TBC1D32: variants seen among roughly 807,000 people sequenced by gnomAD.
The protein encoded by TBC1D32 is protein broad-minded.
Under a neutral mutation model 170.3 loss-of-function variants are expected in TBC1D32, and 151 were observed. That is an observed-to-expected ratio of 0.89 (90% CI 0.78 to 1.01). The LOEUF is 1.01. Ranked by LOEUF, TBC1D32 falls within the 50% of genes least tolerant of loss-of-function variation. TBC1D32 has a pLI of 0.00. For synonymous variants in TBC1D32, 498 were observed against 488.0 expected, an observed-to-expected ratio of 1.02 and a Z score of -0.27; for missense variants, 1,464 against 1,457.1, an observed-to-expected ratio of 1.00 and a Z score of -0.08.
chr6:121,158,765 T>G (rs1785219737), intron 24 of TBC1D32, among the ~76,000 whole-genome samples: 1 of 152,178 alleles, frequency 6.6e-6, no homozygotes. Context: ...TTTTTGGTGT[T>G]GTAATTTGGG....
chr6:121,291,519 A>G (rs1172271604), intron 12 of TBC1D32, among the ~76,000 whole-genome samples: 1 of 152,154 alleles, frequency 6.6e-6, no homozygotes, highest in East Asian at 1.9e-4. Context: ...TAAGAGTTTA[A>G]GTATATACTA....
chr6:121,273,348 GA>G (rs1296127387), intron 15 of TBC1D32, among the ~76,000 whole-genome samples: 1 of 151,488 alleles, frequency 6.6e-6, no homozygotes, highest in Non-Finnish European at 1.5e-5. Context: ...TAGGGACATG[GA>G]TGAAGCTGGA....
intron 15 of TBC1D32, among the ~76,000 whole-genome samples, chr6:121,258,902 A>G (rs1328483572): frequency 6.6e-6 from 1 of 152,098 alleles, no homozygotes; most frequent in East Asian, 1.9e-4. Flanking sequence ...TAACTGGACC[A>G]TGAAGATTCA....
At chr6:121,122,990 T>G (rs775644902) in intron 26 of TBC1D32, among the ~76,000 whole-genome samples, 6 of 151,912 alleles carry the variant, frequency 3.9e-5, no homozygotes, top group South Asian at 4.1e-4. Context: ...GAGGAATGAG[T>G]GGGTTAGATT....
At chr6:121,136,947 C>T (rs1321098136) in intron 24 of TBC1D32, among the ~76,000 whole-genome samples, 2 of 151,974 alleles carry the variant, frequency 1.3e-5, no homozygotes, top group Admixed American at 6.6e-5. Flanking sequence ...GTTATAAAGT[C>T]TATATCAGAA....
At chr6:121,085,350 C>CAT (rs1411943895) in intron 31 of TBC1D32, among the ~76,000 whole-genome samples, 1 of 108,168 alleles carries the variant, frequency 9.2e-6, no homozygotes, top group African/African-American at 7.3e-5. Flanking sequence ...TATATACATA[C>CAT]ATATATATAC....
intron 15 of TBC1D32, among the ~76,000 whole-genome samples, chr6:121,271,536 C>T (rs1251263729): frequency 1.3e-5 from 2 of 152,022 alleles, no homozygotes; most frequent in African/African-American, 4.8e-5. Context: ...GAATAAAATA[C>T]CTAGGAATCC....
chr6:121,149,948 A>G (rs1418835982), intron 24 of TBC1D32, among the ~76,000 whole-genome samples: 1 of 152,112 alleles, frequency 6.6e-6, no homozygotes, highest in Non-Finnish European at 1.5e-5. Flanking sequence ...AGTGGTTTGT[A>G]GTTCTCTTTG....
intron 4 of TBC1D32, among the ~76,000 whole-genome samples, chr6:121,309,861 C>A (rs1307769666): frequency 6.6e-6 from 1 of 151,970 alleles, no homozygotes; most frequent in South Asian, 2.1e-4. Flanking sequence ...TGACAAAACC[C>A]CATCTGTACA....
chr6:121,143,566 A>G (rs1783067185), intron 24 of TBC1D32, among the ~76,000 whole-genome samples: 1 of 152,144 alleles, frequency 6.6e-6, no homozygotes, highest in Admixed American at 6.6e-5. Context: ...TTCCCACAAC[A>G]ATGAAATTAT....
At chr6:121,223,741 C>G (rs1332464906) in intron 20 of TBC1D32, among the ~76,000 whole-genome samples, 3 of 152,050 alleles carry the variant, frequency 2.0e-5, no homozygotes, top group South Asian at 2.1e-4. Flanking sequence ...ATAATAAATT[C>G]TATATATTTT....
At chr6:121,256,306 G>T in intron 15 of TBC1D32, 21 bp from the exon 16 acceptor site, 1 of 1,582,356 alleles carries the variant, frequency 6.3e-7, no homozygotes, top group Non-Finnish European at 8.6e-7. Context: ...ATACCTGAAA[G>T]TGATTCCAAG....
chr6:121,179,678 A>G (rs1290917393), intron 22 of TBC1D32, among the ~76,000 whole-genome samples: 2 of 152,100 alleles, frequency 1.3e-5, no homozygotes, highest in Admixed American at 6.6e-5. Flanking sequence ...AATTTAAATA[A>G]ACATTATGTA....
chr6:121,169,613 T>C (rs1786666346), intron 22 of TBC1D32, among the ~76,000 whole-genome samples: 1 of 152,120 alleles, frequency 6.6e-6, no homozygotes, highest in Non-Finnish European at 1.5e-5. Flanking sequence ...TCAGTCAAGG[T>C]TTTCTTAAGT....
chr6:121,321,882 AT>A, intron 1 of TBC1D32, 88 bp from the exon 2 acceptor site: 3 of 1,162,678 alleles, frequency 2.6e-6, no homozygotes, highest in Non-Finnish European at 3.5e-6. Flanking sequence ...ACATATTAAG[AT>A]TTCTTACCTT....
At chr6:121,138,182 T>G (rs1782354448) in intron 24 of TBC1D32, among the ~76,000 whole-genome samples, 1 of 152,058 alleles carries the variant, frequency 6.6e-6, no homozygotes, top group Non-Finnish European at 1.5e-5. Context: ...AATTTGGGAG[T>G]ATCCAAATTC....
chr6:121,212,458 T>TA (rs34423797), intron 21 of TBC1D32, among the ~76,000 whole-genome samples: 2,769 of 135,838 alleles, frequency 0.02, 102 homozygotes, highest in African/African-American at 0.075. Context: ...CTCTTTTTTT[T>TA]TTTTTTTTTT....
chr6:121,275,248 A>G (rs1447196553), intron 15 of TBC1D32, among the ~76,000 whole-genome samples: 1 of 152,238 alleles, frequency 6.6e-6, no homozygotes, highest in East Asian at 1.9e-4. Context: ...AAAAGAAATT[A>G]TATGCACATT....
rs2128304646 is a variant in TBC1D32 at position 121,205,209 on chromosome 6, T to A, written c.2482-46A>T. On this transcript the variant is annotated intron_variant, in intron 21 of 31. Transcript: ENST00000398212. ...GAGACTGTATTTAACTGATATCATT[T>A]AAAGAAAATTAAGTCAACAACAATT... 5 of 954,284 alleles carry A rather than the reference T, an allele frequency of 5.2e-6. No individual in the cohort carries two copies. The East Asian group carries it at 1.4e-4, about 27-fold the overall frequency. 59.1% of individuals were successfully genotyped at this position (954,284 alleles called of 1,614,324 possible).
Sources: allele counts gnomAD v4.1 joint callset (sites outside exome capture counted in the v4.1 genomes callset), GRCh38; gene constraint gnomAD v4.1.1; transcripts MANE v1.5; gene names NCBI Gene and HGNC (gene_info 2026-07-23, HGNC 2026-07-21).